GLCE: variants seen among roughly 807,000 people sequenced by gnomAD.
GLCE encodes D-glucuronyl C5-epimerase.
GLCE carries 19 observed loss-of-function variants against 47.9 expected under a neutral mutation model. The ratio of observed to expected loss-of-function variants is 0.40; its 90% CI spans 0.28 to 0.58. The LOEUF is 0.58. GLCE is among the 20% of genes least tolerant of loss of function. The probability of loss-of-function intolerance (pLI) is 0.48; values close to 1 mark genes in which losing one functional copy is unlikely to be tolerated. For missense variants in GLCE, 556 were observed against 743.3 expected (o/e 0.75, Z 2.93); for synonymous variants, 245 against 263.4 (o/e 0.93, Z 0.68).
intron 1 of GLCE, chr15:69,197,111 C>G (rs913044418): frequency 2.8e-6 from 1 of 352,456 alleles, no homozygotes; most frequent in East Asian, 7.6e-5. Flanking sequence ...ACGCCTGCAG[C>G]CAGCATTGAT....
In GLCE at chr15:69,245,055, G is replaced by A. The variant is rs146580348; in HGVS notation, c.-13-10739G>A. ...TCTAAAAAATATACATACCTGGCCG[G>A]GTGCAGTGACTCACAGCTGTAATCC... On this transcript the variant is annotated intron_variant, in intron 2 of 4. Coordinates refer to ENST00000261858, the MANE Select transcript of GLCE (RefSeq NM_015554.3). Among the ~76,000 whole-genome samples, 96 of 152,136 alleles carry A rather than the reference G, an allele frequency of 6.3e-4. 1 individual carries two copies. The highest frequency in any genetic ancestry group is 2.2e-3 in the African/African-American group (91 of 41,518).
intron 1 of GLCE, among the ~76,000 whole-genome samples, chr15:69,205,343 ACT>A (rs1283229050): frequency 6.6e-6 from 1 of 152,064 alleles, no homozygotes; most frequent in African/African-American, 2.4e-5. Context: ...CCTTTTTATT[ACT>A]GAGTAGTATT....
intron 1 of GLCE, among the ~76,000 whole-genome samples, chr15:69,180,808 G>C (rs11072076): frequency 0.082 from 12,487 of 152,262 alleles, 667 homozygotes; most frequent in South Asian, 0.13. Context: ...TAAGTGATAC[G>C]TGGTATAGAA....
intron 2 of GLCE, among the ~76,000 whole-genome samples, chr15:69,233,255 G>C (rs2052549888): frequency 6.6e-6 from 1 of 152,110 alleles, no homozygotes; most frequent in Non-Finnish European, 1.5e-5. Context: ...ACATGTAAAA[G>C]ATTCCATAAA....
intron 1 of GLCE, among the ~76,000 whole-genome samples, chr15:69,182,843 G>A (rs1476897857): frequency 2.6e-5 from 4 of 152,022 alleles, no homozygotes; most frequent in South Asian, 2.1e-4. Flanking sequence ...GTGAAACCCC[G>A]TCTCTACAAA....
chr15:69,235,593 A>T (rs1020187365), intron 2 of GLCE, among the ~76,000 whole-genome samples: 1 of 152,172 alleles, frequency 6.6e-6, no homozygotes, highest in African/African-American at 2.4e-5. Context: ...GAAGTTTGGA[A>T]AGGTCAACTA....
At position 69,255,790 on chromosome 15, in the gene GLCE, A is replaced by T; in HGVS notation, c.-13-4A>T. The T allele has an allele frequency of 1.3e-6, 2 of 1,532,346 alleles. No homozygotes were observed. Among genetic ancestry groups the T allele is most frequent in the South Asian group, 1.2e-5 (1 of 86,288 alleles). 94.9% of individuals were successfully genotyped at this position (1,532,346 alleles called of 1,614,324 possible). On this transcript the variant is annotated splice_region_variant and splice_polypyrimidine_tract_variant and intron_variant, in intron 2 of 4. Coordinates refer to ENST00000261858, the MANE Select transcript of GLCE (RefSeq NM_015554.3). Reference sequence around the variant, plus strand: ...CATGATTTTTTTTCTTCTTGCCTCCATAGGTATGGTCTGAATATGCGTTGC... The same window carrying T: ...CATGATTTTTTTTCTTCTTGCCTCCTTAGGTATGGTCTGAATATGCGTTGC...
In GLCE at chr15:69,217,717, TC is replaced by T. The variant is rs569907919; in HGVS notation, c.-14+7312del. On this transcript the variant is annotated intron_variant, in intron 2 of 4. Transcript: ENST00000261858. ...AATTTAACTTCTTTTGAACAGCTGTTCTTTGGTTGACTCTGACTCAGACACT... is the reference window on the plus strand; with the variant it reads ...AATTTAACTTCTTTTGAACAGCTGTTTTTGGTTGACTCTGACTCAGACACT... Among the ~76,000 whole-genome samples, 640 of 152,352 alleles carry T rather than the reference TC, an allele frequency of 4.2e-3. 6 individuals carry two copies. The highest frequency in any genetic ancestry group is 0.013 in the African/African-American group (556 of 41,580).
chr15:69,261,205 A>T lies in GLCE; in HGVS notation c.705A>T (p.Val235=). Residue 235 remains valine, a synonymous_variant, in exon 4 of 5, where the codon GTA becomes GTT. Coordinates refer to ENST00000261858, the MANE Select transcript of GLCE (RefSeq NM_015554.3). The part of the protein sequence containing the change: ...NLTEKPPHIE[V]YETAEDRDKN... ...CTGAGAAACCTCCTCACATAGAGGT[A>T]TATGAAACAGCAGAAGACAGAGACA... 1.2e-6 allele frequency: 2 copies of T among 1,614,160 alleles called. No homozygotes were observed. Among genetic ancestry groups the T allele is most frequent in the Non-Finnish European group, 1.7e-6 (2 of 1,179,990 alleles).
chr15:69,184,074 G>A (rs2051788475), intron 1 of GLCE, among the ~76,000 whole-genome samples: 1 of 152,212 alleles, frequency 6.6e-6, no homozygotes, highest in African/African-American at 2.4e-5. Flanking sequence ...ATTCCAGTTT[G>A]ATGTCTTCGT....
intron 1 of GLCE, among the ~76,000 whole-genome samples, chr15:69,196,034 G>A (rs1233772816): frequency 1.3e-5 from 2 of 152,134 alleles, no homozygotes; most frequent in East Asian, 3.8e-4. Flanking sequence ...ATGGGGGAGT[G>A]TTGGAAGGCA....
At chr15:69,250,641 G>T (rs1021541354) in intron 2 of GLCE, among the ~76,000 whole-genome samples, 6 of 151,380 alleles carry the variant, frequency 4.0e-5, no homozygotes, top group African/African-American at 1.5e-4. Flanking sequence ...CCCTCCTTAG[G>T]CAACTTGGTG....
intron 1 of GLCE, among the ~76,000 whole-genome samples, chr15:69,199,919 T>A (rs1188241929): frequency 6.6e-6 from 1 of 152,126 alleles, no homozygotes; most frequent in Non-Finnish European, 1.5e-5. Context: ...GGAACTAGAG[T>A]GAAATCAGTG....
rs138450053 is a variant in GLCE, at chr15:69,269,225, G to A, written c.1835G>A (p.Ser612Asn). 91 of 1,613,914 alleles carry A rather than the reference G, an allele frequency of 5.6e-5. No homozygotes were observed. In the African/African-American group the frequency reaches 1.1e-3, roughly 20 times the overall value. ...VKRWKSYLKG[S>N]RAKHN is the part of the protein sequence containing the mutation. Reference sequence around the variant, plus strand: ...AGGTGGAAAAGCTACCTTAAAGGCAGCAGGGCAAAGCACAACTAGAGCTCA... The same window carrying A: ...AGGTGGAAAAGCTACCTTAAAGGCAACAGGGCAAAGCACAACTAGAGCTCA... The change falls in exon 5 of 5, where the codon AGC becomes AAC. Residue 612 changes from serine (S) to asparagine (N), a missense_variant. Around this residue, in one of 3 missense-constraint regions of GLCE, gnomAD observed 245 missense variants for 368.1 expected, o/e 0.67. Coordinates refer to ENST00000261858, the MANE Select transcript of GLCE (RefSeq NM_015554.3).
intron 2 of GLCE, among the ~76,000 whole-genome samples, chr15:69,242,443 G>A (rs1051091118): frequency 6.6e-6 from 1 of 151,594 alleles, no homozygotes; most frequent in Non-Finnish European, 1.5e-5. Flanking sequence ...ATTTTCCTCA[G>A]TATCAGATGT....
intron 1 of GLCE, chr15:69,196,783 A>G: frequency 6.0e-6 from 1 of 165,328 alleles, no homozygotes. Flanking sequence ...TCATGAGCTG[A>G]CTGAAAATAA....
chr15:69,201,343 C>T (rs746163368), intron 1 of GLCE, among the ~76,000 whole-genome samples: 3 of 152,040 alleles, frequency 2.0e-5, no homozygotes, highest in Non-Finnish European at 4.4e-5. Context: ...TCAGTATTGA[C>T]ATAGCTGTTG....
chr15:69,248,474 A>T (rs576761303), intron 2 of GLCE, among the ~76,000 whole-genome samples: 1 of 152,294 alleles, frequency 6.6e-6, no homozygotes, highest in South Asian at 2.1e-4. Flanking sequence ...TCTGGTTCAA[A>T]TGTCTGTTTT....
At chr15:69,205,765 G>A (rs868378175) in intron 1 of GLCE, among the ~76,000 whole-genome samples, 5 of 151,876 alleles carry the variant, frequency 3.3e-5, no homozygotes, top group South Asian at 2.1e-4. Context: ...GCATTTTGTC[G>A]TATGTTTTGT....
Sources: allele counts gnomAD v4.1 joint callset (sites outside exome capture counted in the v4.1 genomes callset), GRCh38; gene constraint gnomAD v4.1.1; regional missense constraint gnomAD v4.1.1; transcripts MANE v1.5; gene names NCBI Gene and HGNC (gene_info 2026-07-23, HGNC 2026-07-21).